Variants in POLR3B observed in about 807,000 individuals in gnomAD.
The protein encoded by POLR3B is RNA polymerase III subunit B.
Under a neutral mutation model 147.4 loss-of-function variants are expected in POLR3B, and 96 were observed. The observed-to-expected ratio is 0.65, with a 90% confidence interval of 0.55 to 0.77. The LOEUF is 0.77. Ranked by LOEUF, POLR3B falls within the 30% of genes least tolerant of loss-of-function variation. POLR3B has a pLI of 0.00. For missense variants in POLR3B, 1,036 were observed against 1,413.5 expected, an observed-to-expected ratio of 0.73 and a Z score of 4.28; for synonymous variants, 461 against 485.9, an observed-to-expected ratio of 0.95 and a Z score of 0.67.
chr12:106,504,400 T>C lies in POLR3B; in HGVS notation c.3272+146T>C, dbSNP rs2038652374. The C allele has an allele frequency of 4.1e-6, 3 of 734,882 alleles. No homozygotes were observed. The highest frequency in any genetic ancestry group is 5.3e-5 in the East Asian group (2 of 38,056). The allele number at this position is 734,882 out of a possible 1,614,324, so 45.5% of individuals were successfully genotyped here. A position where few individuals can be genotyped will look rare whatever the true frequency, so the allele number is the denominator to read the frequency against. ...CTCCCTCATGCATGTATTCCTGTCA[T>C]TGGGGATACTCTGTGTACATGTCTC... On this transcript the variant is annotated intron_variant, in intron 27 of 27. Coordinates refer to ENST00000228347, the MANE Select transcript of POLR3B (RefSeq NM_018082.6). This position sits in a 1 kb window ranked among gnomAD's most constrained non-coding sequence, Gnocchi z 4.6.
chr12:106,386,428 CT>C (rs370770207), intron 9 of POLR3B, among the ~76,000 whole-genome samples: 1,917 of 147,326 alleles, frequency 0.013, 20 homozygotes, highest in Middle Eastern at 0.031. Context: ...ATCCAAAGGA[CT>C]TTTTTTTTTA....
rs2037213251 is a variant in POLR3B, at chr12:106,410,716, A to G, written c.967-110A>G. On this transcript the variant is annotated intron_variant, in intron 11 of 27. Coordinates refer to ENST00000228347, the MANE Select transcript of POLR3B (RefSeq NM_018082.6). ...ATTTATTTGAATGGAGAGAATCATAACAATTCAGTATTTTCTTAGTTGAAT... is the reference window on the plus strand; with the variant it reads ...ATTTATTTGAATGGAGAGAATCATAGCAATTCAGTATTTTCTTAGTTGAAT... 4 of 924,040 alleles carry G rather than the reference A, an allele frequency of 4.3e-6. No individual in the cohort carries two copies. The East Asian group carries it at 7.8e-5, about 18-fold the overall frequency. 57.2% of individuals were successfully genotyped at this position (924,040 alleles called of 1,614,324 possible). A position where few individuals can be genotyped will look rare whatever the true frequency, so the allele number is the denominator to read the frequency against.
chr12:106,425,227 C>T (rs765740098), intron 12 of POLR3B, among the ~76,000 whole-genome samples: 6 of 152,130 alleles, frequency 3.9e-5, no homozygotes, highest in Non-Finnish European at 8.8e-5. Context: ...CCTGCCCCTC[C>T]CTGTGGTATC....
chr12:106,434,757 G>A (rs1333746449), intron 16 of POLR3B, among the ~76,000 whole-genome samples: 1 of 152,152 alleles, frequency 6.6e-6, no homozygotes, highest in Non-Finnish European at 1.5e-5. Flanking sequence ...AGAGCTGGGA[G>A]AGTGACTGCA....
chr12:106,490,707 A>G (rs1168250864), intron 23 of POLR3B, among the ~76,000 whole-genome samples: 4 of 152,116 alleles, frequency 2.6e-5, no homozygotes, highest in Non-Finnish European at 4.4e-5. Flanking sequence ...AGGGGAGGGG[A>G]AGAACGGAAT....
chr12:106,409,045 T>G (rs2037186395), intron 11 of POLR3B, among the ~76,000 whole-genome samples: 1 of 152,210 alleles, frequency 6.6e-6, no homozygotes, highest in Admixed American at 6.5e-5. Context: ...GAGAATCTAC[T>G]ACCAGTGTTT....
intron 21 of POLR3B, among the ~76,000 whole-genome samples, chr12:106,457,960 G>T (rs1002835596): frequency 1.3e-5 from 2 of 152,110 alleles, no homozygotes; most frequent in Non-Finnish European, 2.9e-5. Context: ...CTTGTGCAAG[G>T]GTCCCAGAGC....
intron 9 of POLR3B, among the ~76,000 whole-genome samples, chr12:106,385,813 TG>T (rs2036828259): frequency 6.6e-6 from 1 of 152,248 alleles, no homozygotes; most frequent in Non-Finnish European, 1.5e-5. Context: ...TGTAGCCTAA[TG>T]TGCTTTTGAG....
rs187687531 is a variant in POLR3B, at chr12:106,444,810, A to C, written c.2083+220A>C. ...CAAAAAATGGAGAAAACCTCTCTAAACTTGTTTCCTTCACCAAACAAAGCA... is the reference window on the plus strand; with the variant it reads ...CAAAAAATGGAGAAAACCTCTCTAACCTTGTTTCCTTCACCAAACAAAGCA... On this transcript the variant is annotated intron_variant, in intron 19 of 27. Transcript: ENST00000228347. 9.5e-4 allele frequency among the ~76,000 whole-genome samples: 145 copies of C among 152,254 alleles called. 1 individual carries two copies. The highest frequency in any genetic ancestry group is 1.6e-3 in the Non-Finnish European group (109 of 68,026).
At chr12:106,401,634 C>T (rs1259907729) in intron 10 of POLR3B, among the ~76,000 whole-genome samples, 5 of 152,172 alleles carry the variant, frequency 3.3e-5, no homozygotes, top group South Asian at 4.1e-4. Flanking sequence ...GGACTTCATC[C>T]CTGGGATGCA....
At chr12:106,376,303 A>C in intron 6 of POLR3B, 56 bp from the exon 7 acceptor site, 1 of 1,208,706 alleles carries the variant, frequency 8.3e-7, no homozygotes. Context: ...TATTTTTTGC[A>C]GCTTTTATCA....
At chr12:106,368,918 T>G (rs2136886115) in intron 4 of POLR3B, among the ~76,000 whole-genome samples, 1 of 152,250 alleles carries the variant, frequency 6.6e-6, no homozygotes, top group Non-Finnish European at 1.5e-5. Context: ...TGTTTTTTTG[T>G]TTTGTTTGTT....
chr12:106,390,612 A>G (rs1324267576), intron 9 of POLR3B, among the ~76,000 whole-genome samples: 1 of 151,638 alleles, frequency 6.6e-6, no homozygotes, highest in African/African-American at 2.4e-5. Flanking sequence ...TCTAGTATCC[A>G]TTTGATAAAT....
chr12:106,405,617 C>T (rs1488903062), intron 10 of POLR3B, among the ~76,000 whole-genome samples: 1 of 149,566 alleles, frequency 6.7e-6, no homozygotes, highest in African/African-American at 2.4e-5. Context: ...TCTAAATTTC[C>T]TACAATGACA....
intron 1 of POLR3B, among the ~76,000 whole-genome samples, chr12:106,359,874 A>G (rs2036444031): frequency 6.6e-6 from 1 of 152,214 alleles, no homozygotes; most frequent in Admixed American, 6.5e-5. Flanking sequence ...TCGAGTCTTC[A>G]TCCCTAACTG....
chr12:106,463,479 T>C lies in POLR3B; in HGVS notation c.2572T>C (p.Tyr858His), dbSNP rs1253648557. 3 of 1,613,248 alleles carry C rather than the reference T, an allele frequency of 1.9e-6. No homozygotes were observed. The highest frequency in any genetic ancestry group is 2.5e-6 in the Non-Finnish European group (3 of 1,179,416). ...QPQYKDVPIT[Y>H]KGATDSYIEK... ...TTAGTGACTTTCTCTTAACACCAGC[T>C]ACAAAGGAGCAACAGACTCATATAT... The change falls in exon 23 of 28, where the codon TAC becomes CAC. Residue 858 changes from tyrosine to histidine, a missense_variant and splice_region_variant. By Grantham distance (83) the Tyr-to-His change is moderately conservative. Coordinates refer to ENST00000228347, the MANE Select transcript of POLR3B (RefSeq NM_018082.6).
At chr12:106,422,487 G>C (rs1455507904) in intron 12 of POLR3B, among the ~76,000 whole-genome samples, 2 of 152,154 alleles carry the variant, frequency 1.3e-5, no homozygotes, top group Non-Finnish European at 2.9e-5. Context: ...CAATGCAAGA[G>C]CAGACTAATA....
chr12:106,462,544 G>T (rs1565903907), intron 22 of POLR3B, among the ~76,000 whole-genome samples: 1 of 152,084 alleles, frequency 6.6e-6, no homozygotes, highest in Non-Finnish European at 1.5e-5. Flanking sequence ...CCGGCTGGGT[G>T]ATTTTCTAAA....
chr12:106,398,914 A>T (rs1011656179), intron 10 of POLR3B, among the ~76,000 whole-genome samples: 6 of 152,212 alleles, frequency 3.9e-5, no homozygotes, highest in African/African-American at 1.4e-4. Flanking sequence ...GAAACTCTAA[A>T]AATCACAGCA....
Sources: gnomAD v4.1 joint callset for allele counts (sites outside exome capture counted in the v4.1 genomes callset) on GRCh38, gnomAD v4.1.1 for gene constraint, Gnocchi (gnomAD v3.1) non-coding constraint, MANE v1.5 for transcripts, NCBI Gene and HGNC (gene_info 2026-07-23, HGNC 2026-07-21) for gene names.